The following SNAP47 variants were observed in gnomAD, a reference collection of about 807,000 sequenced individuals.
SNAP47 encodes the protein synaptosome associated protein 47, also known as synaptosomal-associated protein 47.
In SNAP47, 20 loss-of-function variants were observed where a neutral mutation model predicts 31.4. That is an observed-to-expected ratio of 0.64 (90% CI 0.45 to 0.93). SNAP47 has a LOEUF of 0.93. Ranked by LOEUF, SNAP47 falls within the 40% of genes least tolerant of loss-of-function variation. The pLI is 0.00. For missense variants in SNAP47, 492 were observed against 528.5 expected, an observed-to-expected ratio of 0.93 and a Z score of 0.68; for synonymous variants, 194 against 213.4, an observed-to-expected ratio of 0.91 and a Z score of 0.79.
At chr1:227,754,041 A>T (rs986412843) in intron 2 of SNAP47, among the ~76,000 whole-genome samples, 1 of 152,222 alleles carries the variant, frequency 6.6e-6, no homozygotes, top group Non-Finnish European at 1.5e-5. Flanking sequence ...TTGGTGTACC[A>T]GAAGAATCAG....
chr1:227,732,330 G>C, upstream of SNAP47: 1 of 1,576,520 alleles, frequency 6.3e-7, no homozygotes, highest in Non-Finnish European at 8.7e-7. Flanking sequence ...TTTATTTCTG[G>C]AAGGGCCCCG....
At chr1:227,732,923 G>T (rs781408815), upstream of SNAP47, 57 of 1,612,902 alleles carry the variant, frequency 3.5e-5, no homozygotes, top group Non-Finnish European at 4.5e-5. Context: ...CCCTCCACTC[G>T]CTGACCTCCT....
intron 4 of SNAP47, among the ~76,000 whole-genome samples, chr1:227,767,757 G>T (rs578171210): frequency 9.2e-5 from 14 of 152,234 alleles, no homozygotes; most frequent in Non-Finnish European, 1.6e-4. Flanking sequence ...GTGCGTGCAT[G>T]TGTGCTCTGT....
rs1260484791 is a variant in SNAP47, at chr1:227,741,640, C to T, written c.-45-6052C>T. Among the ~76,000 whole-genome samples the T allele has an allele frequency of 6.6e-6, 1 of 152,048 alleles. No homozygotes were observed. The highest frequency in any genetic ancestry group is 6.5e-5 in the Admixed American group (1 of 15,270). ...TGAGAGAGAGAGGGTGGGATCAGGG[C>T]CCCGGGAGGAGGGTCTGGCCTTGGA... On this transcript the variant is annotated intron_variant, in intron 1 of 4. Transcript: ENST00000617596. This position sits in a 1 kb window ranked among gnomAD's most constrained non-coding sequence, Gnocchi z 4.2.
At chr1:227,767,216 C>CCGAG in intron 4 of SNAP47, 133 bp downstream of exon 4, 1 of 1,331,380 alleles carries the variant, frequency 7.5e-7, no homozygotes, top group Non-Finnish European at 1.0e-6. Context: ...GGAGGAGCTG[C>CCGAG]TGGCCTCCAC....
chr1:227,771,905 G>C (rs1283286344), intron 4 of SNAP47, among the ~76,000 whole-genome samples: 1 of 152,204 alleles, frequency 6.6e-6, no homozygotes, highest in African/African-American at 2.4e-5. Context: ...CCTGGCAGGA[G>C]AGAGTGTGGG....
intron 4 of SNAP47, among the ~76,000 whole-genome samples, chr1:227,771,290 C>T (rs982727184): frequency 2.6e-5 from 4 of 152,272 alleles, no homozygotes; most frequent in South Asian, 2.1e-4. Flanking sequence ...CAGATAGAAG[C>T]GCTGAGCTAA....
intron 1 of SNAP47, among the ~76,000 whole-genome samples, chr1:227,738,068 G>A (rs867838767): frequency 3.3e-5 from 5 of 151,996 alleles, no homozygotes; most frequent in Middle Eastern, 3.4e-3. Context: ...TTGAGACCGC[G>A]TCTTATTCTG....
At chr1:227,746,035 G>C (rs1298604916) in intron 1 of SNAP47, 1 of 152,284 alleles carries the variant, frequency 6.6e-6, no homozygotes, top group Non-Finnish European at 1.5e-5. Context: ...CAGTCACAGG[G>C]CATTCAGTCA....
intron 4 of SNAP47, among the ~76,000 whole-genome samples, chr1:227,777,827 G>T (rs547841225): frequency 6.6e-6 from 1 of 152,326 alleles, no homozygotes; most frequent in African/African-American, 2.4e-5. Flanking sequence ...GCCACCATCT[G>T]TAAGGGGTAT....
In SNAP47 at chr1:227,780,535, G is replaced by C; in HGVS notation, c.1122G>C (p.Arg374Ser). ...CTTGTGCTTCTCCCCAGATCCTGAGGAGGATGAAGGGGCTGGCCCTGGAGG... is the reference window on the plus strand; with the variant it reads ...CTTGTGCTTCTCCCCAGATCCTGAGCAGGATGAAGGGGCTGGCCCTGGAGG... ...ADTQELTQIL[R>S]RMKGLALEAE... Residue 374 changes from arginine (R) to serine (S), a missense_variant, in exon 5 of 5, where the codon AGG becomes AGC. Transcript: ENST00000617596. 6.2e-7 allele frequency: 1 copy of C among 1,614,056 alleles called. No individual in the cohort carries two copies. Among genetic ancestry groups the C allele is most frequent in the Non-Finnish European group, 8.5e-7 (1 of 1,180,032 alleles).
At chr1:227,738,161 C>T (rs934342406) in intron 1 of SNAP47, among the ~76,000 whole-genome samples, 1 of 152,116 alleles carries the variant, frequency 6.6e-6, no homozygotes, top group African/African-American at 2.4e-5. Flanking sequence ...CCTGCCTCAG[C>T]CTCCTGAGTA....
chr1:227,738,429 C>G (rs1661377252), intron 1 of SNAP47, among the ~76,000 whole-genome samples: 1 of 152,144 alleles, frequency 6.6e-6, no homozygotes, highest in South Asian at 2.1e-4. Context: ...TTCTCTCTCT[C>G]CACTCTTCTC....
upstream of SNAP47, chr1:227,733,251 T>G (rs1571962773): frequency 1.1e-6 from 1 of 905,072 alleles, no homozygotes; most frequent in Non-Finnish European, 1.6e-6. Flanking sequence ...CGGCAGTGGG[T>G]GAAACAGAGG....
intron 4 of SNAP47, chr1:227,777,047 A>T (rs1013977133): frequency 2.3e-5 from 23 of 985,098 alleles, no homozygotes; most frequent in Non-Finnish European, 2.8e-5. Flanking sequence ...AACTATAGAA[A>T]TTTTTGCTAT....
At chr1:227,775,550 C>T (rs1294051510) in intron 4 of SNAP47, among the ~76,000 whole-genome samples, 4 of 152,192 alleles carry the variant, frequency 2.6e-5, no homozygotes, top group African/African-American at 7.2e-5. Context: ...AGGCCAAGGC[C>T]GTGCGTGCCT....
intron 4 of SNAP47, chr1:227,776,678 A>G (rs1664179193): frequency 1.0e-6 from 1 of 985,470 alleles, no homozygotes. Flanking sequence ...TCCCTTCTCA[A>G]AGGAAAAAGA....
Position 227,762,236 on chromosome 1 carries a change from G to A in SNAP47, c.988+2751G>A, listed in dbSNP as rs1663108363. On this transcript the variant is annotated intron_variant, in intron 3 of 4. Transcript: ENST00000617596. The surrounding 1 kb of genome is among the most constrained non-coding windows in gnomAD (Gnocchi z 4.2). ...TTTCCGTGCTCACTTTCACCCCCATGGGCAACCTGGCCTGTCCAGGTAAGT... is the reference window on the plus strand; with the variant it reads ...TTTCCGTGCTCACTTTCACCCCCATAGGCAACCTGGCCTGTCCAGGTAAGT... Among the ~76,000 whole-genome samples, 1 of 152,208 alleles carries A rather than the reference G, an allele frequency of 6.6e-6. No homozygotes were observed.
At chr1:227,735,336 C>A (rs375940946), upstream of SNAP47, 4 of 1,598,812 alleles carry the variant, frequency 2.5e-6, no homozygotes, top group Non-Finnish European at 3.4e-6. Context: ...ACGGTGAGGA[C>A]CAGCCTCGGA....
Sources: gnomAD v4.1 joint callset for allele counts (sites outside exome capture counted in the v4.1 genomes callset) on GRCh38, gnomAD v4.1.1 for gene constraint, Gnocchi (gnomAD v3.1) non-coding constraint, MANE v1.5 for transcripts, NCBI Gene and HGNC (gene_info 2026-07-23, HGNC 2026-07-21) for gene names.